Variants in ASCC1 observed in about 807,000 individuals in gnomAD.
The protein encoded by ASCC1 is activating signal cointegrator 1 complex subunit 1.
In ASCC1, 35 loss-of-function variants were observed where a neutral mutation model predicts 46.6. The ratio of observed to expected loss-of-function variants is 0.75; its 90% CI spans 0.57 to 0.99. The LOEUF (loss-of-function observed/expected upper bound fraction) is 0.99. ASCC1 is among the 50% of genes least tolerant of loss of function. The pLI, the probability that ASCC1 is intolerant of heterozygous loss-of-function variation, is 0.00. For synonymous variants in ASCC1, 143 were observed against 146.6 expected, an observed-to-expected ratio of 0.98 and a Z score of 0.18; for missense variants, 376 against 428.7, an observed-to-expected ratio of 0.88 and a Z score of 1.09.
intron 9 of ASCC1, among the ~76,000 whole-genome samples, chr10:72,118,432 GA>G (rs1393544082): frequency 6.6e-6 from 1 of 150,748 alleles, no homozygotes; most frequent in African/African-American, 2.4e-5. Flanking sequence ...ATATTGAATC[GA>G]ATAATAAAAA....
chr10:72,213,194 G>T lies in ASCC1; in HGVS notation c.105C>A (p.Phe35Leu). ...TYQHEEDEED[F>L]YQGSMECADE... ...AAGAGCAACTAGGATTACCTTGATAGAAGTCCTCTTCATCTTCTTCATGTT... is the reference window on the plus strand; with the variant it reads ...AAGAGCAACTAGGATTACCTTGATATAAGTCCTCTTCATCTTCTTCATGTT... Residue 35 changes from phenylalanine (F) to leucine (L), a missense_variant, in exon 2 of 10, where the codon TTC (phenylalanine) becomes TTA (leucine). By Grantham distance (22) the Phe-to-Leu change is conservative. Coordinates refer to ENST00000672957, the MANE Select transcript of ASCC1 (RefSeq NM_001198800.3). 1 of 1,607,020 alleles carries T rather than the reference G, an allele frequency of 6.2e-7. No homozygotes were observed. The highest frequency in any genetic ancestry group is 1.1e-5 in the South Asian group (1 of 90,904).
At chr10:72,122,924 A>C (rs1844382718) in intron 9 of ASCC1, among the ~76,000 whole-genome samples, 1 of 152,254 alleles carries the variant, frequency 6.6e-6, no homozygotes, top group Admixed American at 6.5e-5. Context: ...TATAGTATTT[A>C]GTGCATGTTA....
At chr10:72,152,790 G>T in intron 7 of ASCC1, 79 bp downstream of exon 7, 1 of 1,535,956 alleles carries the variant, frequency 6.5e-7, no homozygotes, top group Non-Finnish European at 9.0e-7. Context: ...TCAAAGAAAA[G>T]GAATCAAAAT....
At chr10:72,112,911 A>G (rs1794087323) in intron 9 of ASCC1, among the ~76,000 whole-genome samples, 1 of 151,626 alleles carries the variant, frequency 6.6e-6, no homozygotes, top group Non-Finnish European at 1.5e-5. Flanking sequence ...ACCCCAACAT[A>G]CAATGGACCC....
chr10:72,143,163 GA>G (rs34005540), intron 7 of ASCC1, among the ~76,000 whole-genome samples: 1,563 of 87,346 alleles, frequency 0.018, 8 homozygotes, highest in African/African-American at 0.027. Context: ...TCCGTCTCAG[GA>G]AAAAAAAAAA....
intron 3 of ASCC1, among the ~76,000 whole-genome samples, chr10:72,208,180 A>C (rs1345218610): frequency 1.3e-5 from 2 of 152,114 alleles, no homozygotes; most frequent in Admixed American, 1.3e-4. Flanking sequence ...CCAATACCTA[A>C]TTTAACATGC....
chr10:72,172,308 C>T (rs1404044620), intron 5 of ASCC1, among the ~76,000 whole-genome samples: 1 of 149,862 alleles, frequency 6.7e-6, no homozygotes, highest in African/African-American at 2.5e-5. Flanking sequence ...CCAGCTACTT[C>T]GAGGGCTGAA....
At chr10:72,100,225 A>G (rs1228166099) in intron 9 of ASCC1, among the ~76,000 whole-genome samples, 3 of 149,874 alleles carry the variant, frequency 2.0e-5, no homozygotes, top group Admixed American at 2.0e-4. Flanking sequence ...AGTTATTGTT[A>G]TATCTTTTTT....
intron 5 of ASCC1, among the ~76,000 whole-genome samples, chr10:72,167,879 C>A (rs1193790936): frequency 6.6e-6 from 1 of 152,062 alleles, no homozygotes; most frequent in African/African-American, 2.4e-5. Context: ...CTTAAGCAGG[C>A]CTCCCACCTG....
chr10:72,126,749 AAGG>A lies in ASCC1; in HGVS notation c.957+1330_957+1332del, dbSNP rs373649554. On this transcript the variant is annotated intron_variant, in intron 9 of 9. Coordinates refer to ENST00000672957, the MANE Select transcript of ASCC1 (RefSeq NM_001198800.3). Reference sequence around the variant, plus strand: ...GGAAAATCCCCAAAGAAGGGAGATAAAGGAGGAGAAAGATTCATATCACACCGA... The same window carrying A: ...GGAAAATCCCCAAAGAAGGGAGATAAAGGAGAAAGATTCATATCACACCGA... 2.5e-3 allele frequency among the ~76,000 whole-genome samples: 388 copies of A among 152,368 alleles called. 3 individuals carry two copies. The highest frequency in any genetic ancestry group is 8.3e-3 in the African/African-American group (346 of 41,588).
chr10:72,192,604 G>A (rs1229601826), intron 5 of ASCC1, among the ~76,000 whole-genome samples: 3 of 152,160 alleles, frequency 2.0e-5, no homozygotes, highest in East Asian at 1.9e-4. Context: ...AGTGATTCTC[G>A]TGCCTCAGCC....
In ASCC1 at chr10:72,128,163, T is replaced by A. The variant is rs765842940; in HGVS notation, c.876A>T (p.Glu292Asp). 3 of 1,612,054 alleles carry A rather than the reference T, an allele frequency of 1.9e-6. No homozygotes were observed. The Admixed American group carries it at 5.0e-5, about 27-fold the overall frequency. The part of the protein sequence containing the change: ...NTLFRKDPNA[E>D]GRYNLYTAEG... ...CCGCTGTGTAGAGATTGTACCTGCC[T>A]TCAGCTGTAAATATTCCAAAGATAA... is the stretch of plus-strand genomic sequence containing the variant. The change falls in exon 9 of 10, where the codon GAA (glutamate) becomes GAT (aspartate). Residue 292 changes from glutamate to aspartate, a missense_variant. Glu to Asp is a conservative substitution (Grantham distance 45, BLOSUM62 2). Coordinates refer to ENST00000672957, the MANE Select transcript of ASCC1 (RefSeq NM_001198800.3).
chr10:72,214,531 AC>A (rs575798142), intron 1 of ASCC1, among the ~76,000 whole-genome samples: 260 of 150,390 alleles, frequency 1.7e-3, no homozygotes, highest in African/African-American at 6.1e-3. Context: ...CCCTGCCACC[AC>A]CCCCGGCTAA....
intron 9 of ASCC1, among the ~76,000 whole-genome samples, chr10:72,110,300 C>A (rs1247837262): frequency 4.6e-5 from 7 of 152,178 alleles, no homozygotes. Context: ...AGAAATGAAT[C>A]CTTAGAGGGG....
Position 72,161,623 on chromosome 10 carries a change from T to C in ASCC1, c.541A>G (p.Thr181Ala). 6.2e-7 allele frequency: 1 copy of C among 1,614,152 alleles called. No homozygotes were observed. The highest frequency in any genetic ancestry group is 8.5e-7 in the Non-Finnish European group (1 of 1,180,020). Residue 181 changes from threonine (T) to alanine (A), a missense_variant, in exon 6 of 10, where the codon ACT (threonine) becomes GCT (alanine). Physicochemically the swap from Thr to Ala is moderately conservative, Grantham distance 58. Transcript: ENST00000672957. Reference protein sequence around the residue: ...IFQNPKKLHLTIGMLVLLSEE... With the variant: ...IFQNPKKLHLAIGMLVLLSEE... ...CTCAAAAGCACCAACATCCCAATAG[T>C]TAGATGAAGCTTTTTAGGATTCTGG...
At chr10:72,210,592 T>C (rs1328062335) in intron 3 of ASCC1, 140 bp downstream of exon 3, 2 of 715,618 alleles carry the variant, frequency 2.8e-6, no homozygotes, top group African/African-American at 3.5e-5. Context: ...AATCAGTCCT[T>C]TGACATTTCA....
chr10:72,160,714 T>TAA (rs1849550845), intron 6 of ASCC1, among the ~76,000 whole-genome samples: 1 of 119,614 alleles, frequency 8.4e-6, no homozygotes, highest in Admixed American at 9.1e-5. Flanking sequence ...AAAATAAAAA[T>TAA]AAAAATAATA....
chr10:72,171,415 A>T (rs1330324183), intron 5 of ASCC1, among the ~76,000 whole-genome samples: 22 of 149,386 alleles, frequency 1.5e-4, no homozygotes, highest in Middle Eastern at 3.5e-3. Context: ...TCTGACTCTG[A>T]CCTTCCTGAT....
At chr10:72,163,275 C>A (rs1358232075) in intron 5 of ASCC1, among the ~76,000 whole-genome samples, 1 of 152,038 alleles carries the variant, frequency 6.6e-6, no homozygotes, top group Non-Finnish European at 1.5e-5. Context: ...TAGGTATATG[C>A]CCAAGAGAAC....
Sources: gnomAD v4.1 joint callset for allele counts (sites outside exome capture counted in the v4.1 genomes callset) on GRCh38, gnomAD v4.1.1 for gene constraint, MANE v1.5 for transcripts, NCBI Gene and HGNC (gene_info 2026-07-23, HGNC 2026-07-21) for gene names.